Variants in HCK observed in about 807,000 individuals in gnomAD.
The protein encoded by HCK is HCK proto-oncogene, Src family tyrosine kinase, also known as tyrosine-protein kinase HCK.
Under a neutral mutation model 70.4 loss-of-function variants are expected in HCK, and 40 were observed. That is an observed-to-expected ratio of 0.57 (90% confidence interval 0.44 to 0.74). HCK has a LOEUF of 0.74. Ranked by LOEUF, HCK falls within the 30% of genes least tolerant of loss-of-function variation. The pLI is 0.00. For missense variants in HCK, 568 were observed against 697.2 expected (o/e 0.81, Z 2.09); for synonymous variants, 245 against 263.2 (o/e 0.93, Z 0.67).
chr20:32,094,079 G>A, intron 11 of HCK, 63 bp downstream of exon 11: 3 of 1,504,294 alleles, frequency 2.0e-6, no homozygotes, highest in Non-Finnish European at 2.7e-6. Flanking sequence ...GTTGAGAGTT[G>A]ATACTTGTGA....
In HCK at chr20:32,073,366, G is replaced by A. The variant is rs2045572249; in HGVS notation, c.226+5G>A. The A allele has an allele frequency of 6.2e-7, 1 of 1,611,066 alleles. No individual in the cohort carries two copies. Among genetic ancestry groups the A allele is most frequent in the Non-Finnish European group, 8.5e-7 (1 of 1,178,770 alleles). On this transcript the variant is annotated splice_donor_5th_base_variant and intron_variant, in intron 3 of 12. Coordinates refer to ENST00000375852, the MANE Select transcript of HCK (RefSeq NM_002110.5). ...ACACACCAGGAATCAGGGAGGGTAA[G>A]TATCTACGAGCAGATGCAGTGGAGT...
At chr20:32,074,991 G>A (rs1002396881) in intron 5 of HCK, among the ~76,000 whole-genome samples, 17 of 152,302 alleles carry the variant, frequency 1.1e-4, no homozygotes, top group African/African-American at 4.1e-4. Context: ...TGGTTTCTTT[G>A]GTTGGTTACA....
At chr20:32,060,835 A>G (rs2045358469) in intron 1 of HCK, among the ~76,000 whole-genome samples, 1 of 152,204 alleles carries the variant, frequency 6.6e-6, no homozygotes, top group Admixed American at 6.5e-5. Flanking sequence ...AGAAACCAGG[A>G]GAGGACAGGA....
At chr20:32,072,029 G>A (rs1299298468) in intron 2 of HCK, 3 of 507,034 alleles carry the variant, frequency 5.9e-6, no homozygotes, top group Non-Finnish European at 1.0e-5. Context: ...CCACCAAACA[G>A]GTGTGAGTGA....
At chr20:32,085,014 C>G (rs1346299915) in intron 8 of HCK, among the ~76,000 whole-genome samples, 3 of 152,174 alleles carry the variant, frequency 2.0e-5, no homozygotes, top group Non-Finnish European at 4.4e-5. Context: ...TGATTTTCCC[C>G]AAGAACTTAA....
intron 3 of HCK, 30 bp from the exon 4 acceptor site, chr20:32,073,686 A>T: frequency 1.3e-6 from 2 of 1,482,964 alleles, no homozygotes; most frequent in Non-Finnish European, 1.8e-6. Context: ...CTTAGACGAA[A>T]CCTCACCCTC....
Position 32,093,981 on chromosome 20 carries a change from G to A in HCK, c.1211G>A (p.Arg404Gln). ...AAGATTGCTGACTTTGGCCTGGCCC[G>A]GGTCATTGAGGACAACGAGTACACG... Residue 404 changes from arginine (R) to glutamine (Q), a missense_variant, in exon 11 of 13, where the codon CGG becomes CAG. This residue lies in a region of HCK where 160 missense variants were observed against 237.5 expected (regional missense o/e 0.67). Coordinates refer to ENST00000375852, the MANE Select transcript of HCK (RefSeq NM_002110.5). The A allele has an allele frequency of 6.2e-6, 10 of 1,613,896 alleles. No individual in the cohort carries two copies. The highest frequency in any genetic ancestry group is 1.1e-5 in the South Asian group (1 of 91,072).
chr20:32,054,156 G>GA (rs1423091941), intron 1 of HCK: 3 of 437,832 alleles, frequency 6.9e-6, no homozygotes, highest in South Asian at 3.3e-5. Flanking sequence ...AAAAGTAACA[G>GA]AAAAAATTGA....
intron 9 of HCK, 102 bp downstream of exon 9, chr20:32,086,909 A>G (rs533963718): frequency 1.1e-4 from 115 of 1,065,522 alleles, no homozygotes; most frequent in African/African-American, 1.0e-3. Context: ...GATGGCCCCA[A>G]TCTGGCCAGG....
Position 32,052,363 on chromosome 20 carries a change from CCT to C in HCK, c.-59_-58del. 3.4e-6 allele frequency: 4 copies of C among 1,189,586 alleles called. No homozygotes were observed. The highest frequency in any genetic ancestry group is 2.1e-4 in the Middle Eastern group (1 of 4,722). 73.7% of individuals were successfully genotyped at this position (1,189,586 alleles called of 1,614,324 possible). On this transcript the variant is annotated 5_prime_UTR_variant, in exon 1 of 13. Coordinates refer to ENST00000375852, the MANE Select transcript of HCK (RefSeq NM_002110.5). ...AAAGCCCCTCAGAGCGTCGCCCCCG[CCT>C]CTAGTTCTAGAAAGTCAGTTTCCCG...
At chr20:32,068,454 G>T (rs2045492345) in intron 1 of HCK, among the ~76,000 whole-genome samples, 1 of 151,354 alleles carries the variant, frequency 6.6e-6, no homozygotes, top group African/African-American at 2.4e-5. Flanking sequence ...TAAAAACCTG[G>T]CTGTAGAAAA....
intron 6 of HCK, among the ~76,000 whole-genome samples, chr20:32,082,027 C>T (rs993544124): frequency 6.6e-6 from 1 of 152,210 alleles, no homozygotes; most frequent in Admixed American, 6.5e-5. Context: ...AAGCCAGTCT[C>T]GCCCCTGACT....
Position 32,073,322 on chromosome 20 carries a change from C to T in HCK, c.187C>T (p.Pro63Ser). Residue 63 changes from proline to serine, a missense_variant, in exon 3 of 13, where the codon CCT becomes TCT. This residue lies in a region of HCK where 318 missense variants were observed against 336.0 expected (regional missense o/e 0.95). Coordinates refer to ENST00000375852, the MANE Select transcript of HCK (RefSeq NM_002110.5). ...TTCTCTCATTTCTTCCCCACAGGGG[C>T]CTAATAGCCACAACAGCAACACACC... 1 of 1,611,442 alleles carries T rather than the reference C, an allele frequency of 6.2e-7. No individual in the cohort carries two copies. The highest frequency in any genetic ancestry group is 1.7e-5 in the Admixed American group (1 of 59,224).
intron 5 of HCK, 108 bp downstream of exon 5, chr20:32,074,829 C>T (rs544093060): frequency 1.3e-6 from 1 of 752,728 alleles, no homozygotes; most frequent in African/African-American, 1.7e-5. Flanking sequence ...ACATACTCTT[C>T]CCAGGGCTCT....
At chr20:32,078,942 A>T (rs2122558064) in intron 5 of HCK, among the ~76,000 whole-genome samples, 1 of 151,802 alleles carries the variant, frequency 6.6e-6, no homozygotes, top group South Asian at 2.1e-4. Flanking sequence ...GATAGATGTT[A>T]ACTTCCTCCC....
intron 12 of HCK, among the ~76,000 whole-genome samples, chr20:32,101,065 C>T (rs745576083): frequency 1.1e-4 from 16 of 152,156 alleles, no homozygotes; most frequent in Non-Finnish European, 1.3e-4. Flanking sequence ...CTCCTCTAAG[C>T]GGGAGGAAAA....
chr20:32,076,686 T>C (rs2045631041), intron 5 of HCK, among the ~76,000 whole-genome samples: 1 of 152,200 alleles, frequency 6.6e-6, no homozygotes. Flanking sequence ...AAGTGCTTTC[T>C]GGGCTCCACT....
At chr20:32,072,746 G>T (rs568275694) in intron 2 of HCK, among the ~76,000 whole-genome samples, 3 of 151,896 alleles carry the variant, frequency 2.0e-5, no homozygotes, top group Non-Finnish European at 4.4e-5. Flanking sequence ...GATCTGGACC[G>T]ACCCCTTCAC....
chr20:32,059,654 A>G (rs140438579), intron 1 of HCK, among the ~76,000 whole-genome samples: 5 of 152,144 alleles, frequency 3.3e-5, no homozygotes. Flanking sequence ...AGCTGGGATC[A>G]CAGGCACATG....
Sources: gnomAD v4.1 joint callset for allele counts (sites outside exome capture counted in the v4.1 genomes callset) on GRCh38, gnomAD v4.1.1 for gene constraint, gnomAD v4.1.1 regional missense constraint, MANE v1.5 for transcripts, NCBI Gene and HGNC (gene_info 2026-07-23, HGNC 2026-07-21) for gene names.